The following PTPRA variants were observed in gnomAD, a reference collection of about 807,000 sequenced individuals.
PTPRA encodes the protein receptor-type tyrosine-protein phosphatase alpha.
A neutral mutation model predicts 104.8 loss-of-function variants in PTPRA; 25 were observed. The ratio of observed to expected loss-of-function variants is 0.24; its 90% CI spans 0.17 to 0.33. The LOEUF (loss-of-function observed/expected upper bound fraction) is 0.33, where lower values mean the gene tolerates loss of function less well. Ranked by LOEUF, PTPRA falls within the 10% of genes least tolerant of loss-of-function variation. PTPRA has a pLI of 1.00. For missense variants in PTPRA, 765 were observed against 1,015.3 expected (o/e 0.75, Z 3.35); for synonymous variants, 323 against 368.9 (o/e 0.88, Z 1.43).
chr20:2,920,255 G>A (rs2060052049), intron 1 of PTPRA, among the ~76,000 whole-genome samples: 1 of 152,212 alleles, frequency 6.6e-6, no homozygotes, highest in Non-Finnish European at 1.5e-5. Flanking sequence ...GAATTTATAG[G>A]TTTGGAGTTT....
rs1455403318 is a variant in PTPRA, at chr20:3,037,119, T to C, written c.2199-35T>C. The C allele has an allele frequency of 2.5e-6, 4 of 1,608,108 alleles. No homozygotes were observed. The highest frequency in any genetic ancestry group is 3.4e-6 in the Non-Finnish European group (4 of 1,176,864). On this transcript the variant is annotated intron_variant, in intron 22 of 23. Coordinates refer to ENST00000399903, the MANE Select transcript of PTPRA (RefSeq NM_001385305.1). This position sits in a 1 kb window ranked among gnomAD's most constrained non-coding sequence, Gnocchi z 4.3. Reference sequence around the variant, plus strand: ...ACTCACCCCCTTGCACAGAGGGCCATCACAGGTGTGGTAAATGTGTCTGCT... The same window carrying C: ...ACTCACCCCCTTGCACAGAGGGCCACCACAGGTGTGGTAAATGTGTCTGCT...
At chr20:2,938,790 A>T (rs927326455) in intron 2 of PTPRA, among the ~76,000 whole-genome samples, 1 of 152,158 alleles carries the variant, frequency 6.6e-6, no homozygotes, top group Non-Finnish European at 1.5e-5. Context: ...TGTCTTCTAT[A>T]TGCTGAGTGT....
intron 2 of PTPRA, among the ~76,000 whole-genome samples, chr20:2,933,648 A>G (rs2060586703): frequency 6.6e-6 from 1 of 151,916 alleles, no homozygotes; most frequent in African/African-American, 2.4e-5. Context: ...TTTTGTAGAG[A>G]TGGGGTTTCA....
intron 1 of PTPRA, among the ~76,000 whole-genome samples, chr20:2,922,506 A>G (rs2060132318): frequency 6.6e-6 from 1 of 151,654 alleles, no homozygotes; most frequent in Admixed American, 6.6e-5. Context: ...TGCCTGGCTA[A>G]TTTTTGTATT....
At chr20:2,941,092 G>A (rs538395245) in intron 2 of PTPRA, among the ~76,000 whole-genome samples, 16 of 148,812 alleles carry the variant, frequency 1.1e-4, no homozygotes, top group African/African-American at 4.0e-4. Flanking sequence ...GTTCAGTGGC[G>A]CGATCTCAAC....
chr20:2,899,689 G>A (rs1426214523), intron 1 of PTPRA, among the ~76,000 whole-genome samples: 1 of 152,172 alleles, frequency 6.6e-6, no homozygotes, highest in Non-Finnish European at 1.5e-5. Flanking sequence ...ATGTATGCAT[G>A]TCTATACATA....
chr20:2,884,416 A>G (rs746258709), intron 1 of PTPRA, among the ~76,000 whole-genome samples: 21 of 152,118 alleles, frequency 1.4e-4, no homozygotes, highest in Non-Finnish European at 1.9e-4. Flanking sequence ...AGGGGTCCCA[A>G]TGTCTCCCAT....
At chr20:2,884,812 G>GTTTTTTTTTT (rs34457101) in intron 1 of PTPRA, among the ~76,000 whole-genome samples, 2 of 127,028 alleles carry the variant, frequency 1.6e-5, no homozygotes, top group Non-Finnish European at 3.2e-5. Flanking sequence ...TGTTTTTTTT[G>GTTTTTTTTTT]TTTTTTTTTT....
At chr20:2,920,976 T>G (rs543236634) in intron 1 of PTPRA, among the ~76,000 whole-genome samples, 14 of 152,316 alleles carry the variant, frequency 9.2e-5, no homozygotes, top group African/African-American at 3.4e-4. Flanking sequence ...TGAATAGTTC[T>G]TGGAATAATC....
chr20:2,902,053 T>G (rs2059258873), intron 1 of PTPRA, among the ~76,000 whole-genome samples: 1 of 151,854 alleles, frequency 6.6e-6, no homozygotes, highest in Non-Finnish European at 1.5e-5. Context: ...ACTGGCTAAT[T>G]TTTATATTTT....
intron 16 of PTPRA, among the ~76,000 whole-genome samples, chr20:3,024,062 G>C (rs1026319212): frequency 1.3e-5 from 2 of 152,174 alleles, no homozygotes; most frequent in African/African-American, 4.8e-5. Flanking sequence ...GATGAAGCTC[G>C]GCCACATCTG....
At chr20:2,911,349 C>T (rs922851757) in intron 1 of PTPRA, among the ~76,000 whole-genome samples, 2 of 152,152 alleles carry the variant, frequency 1.3e-5, no homozygotes, top group Non-Finnish European at 2.9e-5. Flanking sequence ...ATACTGCATT[C>T]ACTGAAGTTA....
intron 2 of PTPRA, 108 bp from the exon 3 acceptor site, chr20:2,947,874 T>A: frequency 2.2e-6 from 1 of 453,008 alleles, no homozygotes; most frequent in Non-Finnish European, 3.9e-6. Flanking sequence ...TTAAAGTTAC[T>A]TATATATAAA....
rs149671617 is a variant in PTPRA at position 2,964,381 on chromosome 20, G to A, written c.73+31G>A. On this transcript the variant is annotated intron_variant, in intron 4 of 23. Transcript: ENST00000399903. ...TTGTCATTTGATAAGGCTGCTATTT[G>A]AAATGAAATTTTGCTTTCACATTTA... The A allele has an allele frequency of 1.0e-3, 1,529 of 1,525,958 alleles. 13 individuals carry two copies. The African/African-American group carries it at 0.019, about 19-fold the overall frequency. 94.5% of individuals were successfully genotyped at this position (1,525,958 alleles called of 1,614,324 possible).
chr20:2,908,242 T>C (rs1006870394), intron 1 of PTPRA, among the ~76,000 whole-genome samples: 2 of 152,200 alleles, frequency 1.3e-5, no homozygotes, highest in East Asian at 1.9e-4. Flanking sequence ...TTTGGTAACA[T>C]TGATGTATTT....
chr20:2,972,770 T>C (rs572839848), intron 5 of PTPRA, among the ~76,000 whole-genome samples: 1 of 152,148 alleles, frequency 6.6e-6, no homozygotes, highest in Admixed American at 6.5e-5. Flanking sequence ...AGTGCTGGAG[T>C]GCAGTGGCAT....
At chr20:3,018,992 A>C (rs1600262641) in intron 13 of PTPRA, among the ~76,000 whole-genome samples, 1 of 122,628 alleles carries the variant, frequency 8.2e-6, no homozygotes. Flanking sequence ...TGATCCCCCA[A>C]CCTCCCTCCC....
chr20:3,003,092 G>A (rs372963615), intron 9 of PTPRA, among the ~76,000 whole-genome samples: 76 of 152,216 alleles, frequency 5.0e-4, no homozygotes, highest in African/African-American at 1.7e-3. Flanking sequence ...ATCTCTAGTA[G>A]CATTCTGTTC....
chr20:3,022,319 A>G lies in PTPRA; in HGVS notation c.1328+99A>G. The G allele has an allele frequency of 7.0e-7, 1 of 1,435,064 alleles. No homozygotes were observed. The highest frequency in any genetic ancestry group is 1.3e-5 in the South Asian group (1 of 75,996). The allele number at this position is 1,435,064 out of a possible 1,614,324, so 88.9% of individuals were successfully genotyped here. On this transcript the variant is annotated intron_variant, in intron 15 of 23. Coordinates refer to ENST00000399903, the MANE Select transcript of PTPRA (RefSeq NM_001385305.1). The surrounding 1 kb of genome is among the most constrained non-coding windows in gnomAD (Gnocchi z 4.6). ...GGGCCCTGGCTGAGGAGGCTGGCACAGAGTAGATGACCTACTGGGGCACCA... is the reference window on the plus strand; with the variant it reads ...GGGCCCTGGCTGAGGAGGCTGGCACGGAGTAGATGACCTACTGGGGCACCA...
Sources: gnomAD v4.1 joint callset for allele counts (sites outside exome capture counted in the v4.1 genomes callset) on GRCh38, gnomAD v4.1.1 for gene constraint, Gnocchi (gnomAD v3.1) non-coding constraint, MANE v1.5 for transcripts, NCBI Gene and HGNC (gene_info 2026-07-23, HGNC 2026-07-21) for gene names.